GRID2: variants seen among roughly 807,000 people sequenced by gnomAD.
GRID2 encodes the protein glutamate receptor ionotropic, delta-2.
Under a neutral mutation model 114.8 loss-of-function variants are expected in GRID2, and 33 were observed. The observed-to-expected ratio is 0.29, with a 90% CI of 0.22 to 0.38. GRID2 has a LOEUF of 0.38. Ranked by LOEUF, GRID2 falls within the 10% of genes least tolerant of loss-of-function variation. GRID2 has a pLI of 1.00. For synonymous variants in GRID2, 505 were observed against 449.9 expected (o/e 1.12, Z -1.55); for missense variants, 1,184 against 1,257.7 (o/e 0.94, Z 0.89).
At chr4:92,460,032 C>CTGTATA (rs749790235) in intron 1 of GRID2, among the ~76,000 whole-genome samples, 2 of 48,442 alleles carry the variant, frequency 4.1e-5, no homozygotes, top group African/African-American at 2.0e-4. Context: ...ATAAATCTCA[C>CTGTATA]TATATATATA....
intron 8 of GRID2, among the ~76,000 whole-genome samples, chr4:93,325,429 A>G (rs1408981142): frequency 6.6e-6 from 1 of 152,038 alleles, no homozygotes; most frequent in East Asian, 1.9e-4. Flanking sequence ...AGTTGGTTCT[A>G]TGATAGACTA....
At chr4:92,531,167 A>G (rs1725338001) in intron 1 of GRID2, among the ~76,000 whole-genome samples, 3 of 152,108 alleles carry the variant, frequency 2.0e-5, no homozygotes, top group Admixed American at 2.0e-4. Context: ...TAATCACTGG[A>G]GCTTAGTTTT....
chr4:93,183,971 C>T lies in GRID2; in HGVS notation c.736-23433C>T, dbSNP rs2904474. Among the ~76,000 whole-genome samples the T allele has an allele frequency of 7.0e-3, 1,073 of 152,258 alleles. 19 individuals are homozygous for T. Among genetic ancestry groups the T allele is most frequent in the African/African-American group, 0.025 (1,027 of 41,572 alleles). ...ATCAGCAGCAAGTCTTAGAGGAATA[C>T]AATAAATGCCTAAATGAATGATGCA... On this transcript the variant is annotated intron_variant, in intron 4 of 15. Transcript: ENST00000282020.
At chr4:93,756,770 T>A (rs1053909118) in intron 14 of GRID2, among the ~76,000 whole-genome samples, 19 of 152,168 alleles carry the variant, frequency 1.2e-4, no homozygotes, top group African/African-American at 4.6e-4. Context: ...GTGCTTTTGT[T>A]TTTTACGTCC....
At chr4:93,050,683 C>G (rs1172106325) in intron 2 of GRID2, among the ~76,000 whole-genome samples, 2 of 151,974 alleles carry the variant, frequency 1.3e-5, no homozygotes, top group Non-Finnish European at 2.9e-5. Context: ...ATACATTCGA[C>G]TATTAAATTT....
chr4:93,113,316 A>G (rs1405568223), intron 4 of GRID2, among the ~76,000 whole-genome samples: 1 of 152,172 alleles, frequency 6.6e-6, no homozygotes, highest in African/African-American at 2.4e-5. Flanking sequence ...AAGAAAACTG[A>G]GGTGTACAGG....
intron 4 of GRID2, among the ~76,000 whole-genome samples, chr4:93,137,218 A>G (rs1437544736): frequency 6.6e-6 from 1 of 152,206 alleles, no homozygotes; most frequent in Non-Finnish European, 1.5e-5. Context: ...GCTCATCTTA[A>G]GCAGATGGTT....
intron 2 of GRID2, among the ~76,000 whole-genome samples, chr4:92,632,279 C>G (rs553487163): frequency 6.6e-6 from 1 of 152,178 alleles, no homozygotes; most frequent in African/African-American, 2.4e-5. Flanking sequence ...ACCTATTTTT[C>G]CACTGAAATA....
intron 1 of GRID2, among the ~76,000 whole-genome samples, chr4:92,470,363 T>TAATTTTAACCCCCTGTGAA (rs1721975628): frequency 1.3e-5 from 2 of 151,950 alleles, no homozygotes; most frequent in Non-Finnish European, 2.9e-5. Context: ...TTTTTTAATT[T>TAATTTTAACCCCCTGTGAA]AATTTTAACC....
chr4:92,707,512 T>G (rs1163314655), intron 2 of GRID2, among the ~76,000 whole-genome samples: 3 of 152,170 alleles, frequency 2.0e-5, no homozygotes, highest in Admixed American at 2.0e-4. Context: ...AATTCACTCC[T>G]CTAGAGAGTT....
chr4:92,904,520 C>T (rs989954916), intron 2 of GRID2, among the ~76,000 whole-genome samples: 23 of 151,840 alleles, frequency 1.5e-4, no homozygotes, highest in Admixed American at 2.6e-4. Context: ...CATTTAGCAG[C>T]CAGAGCATGA....
chr4:92,735,254 C>A (rs935079270), intron 2 of GRID2, among the ~76,000 whole-genome samples: 1 of 151,964 alleles, frequency 6.6e-6, no homozygotes, highest in African/African-American at 2.4e-5. Flanking sequence ...CTAGTGGATG[C>A]CTGAAGCTAT....
intron 13 of GRID2, among the ~76,000 whole-genome samples, chr4:93,540,002 T>C (rs1389329828): frequency 6.6e-6 from 1 of 152,038 alleles, no homozygotes; most frequent in Non-Finnish European, 1.5e-5. Context: ...ACTTCAATTA[T>C]CTATTTTTAG....
chr4:93,111,938 A>G (rs1338548476), intron 4 of GRID2: 5 of 152,132 alleles, frequency 3.3e-5, no homozygotes, highest in African/African-American at 9.7e-5. Flanking sequence ...TGTCAGTAAT[A>G]TAAAATTTTT....
chr4:93,476,959 ACTGGCTGT>A (rs1194376583), intron 11 of GRID2, among the ~76,000 whole-genome samples: 1 of 152,162 alleles, frequency 6.6e-6, no homozygotes, highest in African/African-American at 2.4e-5. Flanking sequence ...CATGTGGCAG[ACTGGCTGT>A]CTTAATCCAT....
rs554820978 is a variant in GRID2, at chr4:92,398,727, T to C, written c.88+93983T>C. Among the ~76,000 whole-genome samples the C allele has an allele frequency of 2.6e-5, 4 of 152,302 alleles. No homozygotes were observed. In the East Asian group the frequency reaches 7.7e-4, roughly 29 times the overall value. On this transcript the variant is annotated intron_variant, in intron 1 of 15. Coordinates refer to ENST00000282020, the MANE Select transcript of GRID2 (RefSeq NM_001510.4). ...CGTTGAAGGAACTGGAAGTAAGAAT[T>C]GGGCAGATGAAGGAAAAAAATGAAA...
At chr4:93,004,671 C>A (rs71599267) in intron 2 of GRID2, among the ~76,000 whole-genome samples, 3 of 151,762 alleles carry the variant, frequency 2.0e-5, no homozygotes, top group Admixed American at 6.6e-5. Flanking sequence ...TCTTCCACTC[C>A]CCCTCAGAGC....
Position 92,706,125 on chromosome 4 carries a change from C to T in GRID2, c.244+115839C>T, listed in dbSNP as rs558992683. Among the ~76,000 whole-genome samples the T allele has an allele frequency of 3.9e-5, 6 of 152,084 alleles. No individual in the cohort carries two copies. In the South Asian group the frequency reaches 6.2e-4, roughly 16 times the overall value. ...ATTCCAGACCAAAACCTAAGAAAAACGGGGGAGCATCATACGTTTTAAGAC... is the reference window on the plus strand; with the variant it reads ...ATTCCAGACCAAAACCTAAGAAAAATGGGGGAGCATCATACGTTTTAAGAC... On this transcript the variant is annotated intron_variant, in intron 2 of 15. Transcript: ENST00000282020.
rs1376742846 is a variant in GRID2, at chr4:92,791,224, G to A, written c.244+200938G>A. Among the ~76,000 whole-genome samples the A allele has an allele frequency of 3.3e-5, 5 of 151,570 alleles. No individual in the cohort carries two copies. The South Asian group carries it at 1.0e-3, about 32-fold the overall frequency. The stretch of plus-strand genomic sequence containing the variant: ...CCTTCTTAATTAGTGGTAAGTTTAT[G>A]GACTGTGGAGTCTGTCTCAAGAGGT... On this transcript the variant is annotated intron_variant, in intron 2 of 15. Transcript: ENST00000282020.
Sources: allele counts gnomAD v4.1 joint callset (sites outside exome capture counted in the v4.1 genomes callset), GRCh38; gene constraint gnomAD v4.1.1; transcripts MANE v1.5; gene names NCBI Gene and HGNC (gene_info 2026-07-23, HGNC 2026-07-21).